PLG: variants seen among roughly 807,000 people sequenced by gnomAD.
The protein encoded by PLG is plasmin.
PLG carries 41 observed loss-of-function variants against 104.4 expected under a neutral mutation model. That is an observed-to-expected ratio of 0.39 (90% CI 0.31 to 0.51). PLG has a LOEUF of 0.51. PLG is among the 20% of genes least tolerant of loss of function. The probability of loss-of-function intolerance (pLI) is 0.76; values close to 1 mark genes in which losing one functional copy is unlikely to be tolerated. For synonymous variants in PLG, 337 were observed against 357.1 expected (o/e 0.94, Z 0.63); for missense variants, 891 against 1,003.6 (o/e 0.89, Z 1.52).
Position 160,739,300 on chromosome 6 carries a change from G to A in PLG, c.2018+92G>A. On this transcript the variant is annotated intron_variant, in intron 16 of 18. Coordinates refer to ENST00000308192, the MANE Select transcript of PLG (RefSeq NM_000301.5). The surrounding 1 kb of genome is among the most constrained non-coding windows in gnomAD (Gnocchi z 4.4). Reference sequence around the variant, plus strand: ...GGGCCATGGCCACTGCATGGCAGTGGGGAGGAACTGTCTATCACATGAAAG... The same window carrying A: ...GGGCCATGGCCACTGCATGGCAGTGAGGAGGAACTGTCTATCACATGAAAG... The A allele has an allele frequency of 1.3e-6, 2 of 1,521,220 alleles. No homozygotes were observed. The highest frequency in any genetic ancestry group is 2.3e-5 in the East Asian group (1 of 44,280). 94.2% of individuals were successfully genotyped at this position (1,521,220 alleles called of 1,614,324 possible).
chr6:160,726,612 AT>A lies in PLG; in HGVS notation c.1256+4048del, dbSNP rs1367095254. Among the ~76,000 whole-genome samples the A allele has an allele frequency of 1.1e-4, 16 of 151,982 alleles. No individual in the cohort carries two copies. Among genetic ancestry groups the A allele is most frequent in the African/African-American group, 3.9e-4 (16 of 41,508 alleles). Reference sequence around the variant, plus strand: ...TTAAAAAAAAAAGATTTTATTTGCTATTTCACTTTTATTTCCTGATAAGTGT... The same window carrying A: ...TTAAAAAAAAAAGATTTTATTTGCTATTCACTTTTATTTCCTGATAAGTGT... On this transcript the variant is annotated intron_variant, in intron 10 of 18. Transcript: ENST00000308192. This position sits in a 1 kb window ranked among gnomAD's most constrained non-coding sequence, Gnocchi z 4.4.
Position 160,713,059 on chromosome 6 carries a change from G to A in PLG, c.481G>A (p.Gly161Arg). The A allele has an allele frequency of 6.2e-7, 1 of 1,608,674 alleles. No homozygotes were observed. The highest frequency in any genetic ancestry group is 8.5e-7 in the Non-Finnish European group (1 of 1,176,890). The change falls in exon 5 of 19, where the codon GGG becomes AGG. Residue 161 changes from glycine (G) to arginine (R), a missense_variant. Transcript: ENST00000308192. ...YCRNPDNDPQ[G>R]PWCYTTDPEK... Reference sequence around the variant, plus strand: ...CAGGAATCCAGACAACGATCCGCAGGGGCCCTGGTGCTATACTACTGATCC... The same window carrying A: ...CAGGAATCCAGACAACGATCCGCAGAGGCCCTGGTGCTATACTACTGATCC...
At position 160,740,196 on chromosome 6, in the gene PLG, C is replaced by G. The variant is rs1370288052; in HGVS notation, c.2018+988C>G. ...AGGGCAGCTTCTCTGGGTCTGTGAA[C>G]TGAGGGGTGATGTCCTGGGATGCTC... is the stretch of plus-strand genomic sequence containing the variant. On this transcript the variant is annotated intron_variant, in intron 16 of 18. Transcript: ENST00000308192. The surrounding 1 kb of genome is among the most constrained non-coding windows in gnomAD (Gnocchi z 5.2). Among the ~76,000 whole-genome samples the G allele has an allele frequency of 6.6e-6, 1 of 152,182 alleles. No individual in the cohort carries two copies. Among genetic ancestry groups the G allele is most frequent in the African/African-American group, 2.4e-5 (1 of 41,446 alleles).
chr6:160,714,683 T>C (rs1192292122), intron 5 of PLG, 111 bp from the exon 6 acceptor site: 1 of 998,202 alleles, frequency 1.0e-6, no homozygotes, highest in Non-Finnish European at 1.6e-6. Flanking sequence ...TACATCGGAA[T>C]GAGAGGCAAG....
At position 160,720,410 on chromosome 6, in the gene PLG, C is replaced by CTTTTTTTTTTTTTTTTTT. The variant is rs3057066; in HGVS notation, c.1096+1582_1096+1599dup. Reference sequence around the variant, plus strand: ...TCTTTTCTCTTTTTTCTTTTCTTTTCTTTTTTTTTTTTTTTTTTTTTTTTT... The same window carrying CTTTTTTTTTTTTTTTTTT: ...TCTTTTCTCTTTTTTCTTTTCTTTTCTTTTTTTTTTTTTTTTTTTTTTTTTTTTTTTTTTTTTTTTTTT... On this transcript the variant is annotated intron_variant, in intron 9 of 18. Coordinates refer to ENST00000308192, the MANE Select transcript of PLG (RefSeq NM_000301.5). Among the ~76,000 whole-genome samples, 301 of 58,532 alleles carry CTTTTTTTTTTTTTTTTTT rather than the reference C, an allele frequency of 5.1e-3. 54 individuals carry two copies. The highest frequency in any genetic ancestry group is 7.7e-3 in the East Asian group (14 of 1,816). The allele number at this position is 58,532 out of a possible 152,430, so 38.4% of individuals were successfully genotyped here. A position where few individuals can be genotyped will look rare whatever the true frequency, so the allele number is the denominator to read the frequency against.
intron 1 of PLG, among the ~76,000 whole-genome samples, chr6:160,704,982 G>C (rs1053749111): frequency 6.6e-6 from 1 of 152,170 alleles, no homozygotes; most frequent in Non-Finnish European, 1.5e-5. Flanking sequence ...CTGACCGCAT[G>C]TTCCCTGGAG....
In PLG at chr6:160,732,001, G is replaced by C. The variant is rs961083124; in HGVS notation, c.1587+108G>C. On this transcript the variant is annotated intron_variant, in intron 12 of 18. Transcript: ENST00000308192. The surrounding 1 kb of genome is among the most constrained non-coding windows in gnomAD (Gnocchi z 4.5). ...GACCTGGACTGCTCTTTTTTGTAAT[G>C]GGGGAGAGGGGACAGAAGAAAATAT... 1.8e-6 allele frequency: 2 copies of C among 1,097,818 alleles called. No homozygotes were observed. The highest frequency in any genetic ancestry group is 2.8e-6 in the Non-Finnish European group (2 of 719,848). 68.0% of individuals were successfully genotyped at this position (1,097,818 alleles called of 1,614,324 possible). A position where few individuals can be genotyped will look rare whatever the true frequency, so the allele number is the denominator to read the frequency against.
intron 5 of PLG, 30 bp downstream of exon 5, chr6:160,713,155 T>C (rs761361277): frequency 6.4e-6 from 10 of 1,570,156 alleles, no homozygotes; most frequent in Non-Finnish European, 8.8e-6. Context: ...AATGTTTTCA[T>C]TTCTGCCCTT....
chr6:160,745,523 A>G (rs115234711), intron 17 of PLG, among the ~76,000 whole-genome samples: 3,042 of 152,134 alleles, frequency 0.02, 122 homozygotes, highest in African/African-American at 0.07. Flanking sequence ...CCATCCCTTT[A>G]TTCTGAGCCT....
At chr6:160,710,926 C>A (rs1422433240) in intron 3 of PLG, 151 bp from the exon 4 acceptor site, 7 of 717,368 alleles carry the variant, frequency 9.8e-6, no homozygotes, top group Non-Finnish European at 1.8e-5. Context: ...CAGTTTACTG[C>A]AGCCTTTTTG....
intron 1 of PLG, among the ~76,000 whole-genome samples, chr6:160,704,686 A>T (rs1007037600): frequency 1.3e-5 from 2 of 152,230 alleles, no homozygotes; most frequent in Non-Finnish European, 2.9e-5. Context: ...AGAATGCATC[A>T]GCCAACTCCT....
At chr6:160,718,016 C>T (rs1410021050) in intron 7 of PLG, among the ~76,000 whole-genome samples, 3 of 152,198 alleles carry the variant, frequency 2.0e-5, no homozygotes, top group South Asian at 4.1e-4. Context: ...CTTCCGGAGG[C>T]CGAGGTGGGC....
intron 2 of PLG, among the ~76,000 whole-genome samples, chr6:160,707,241 G>A (rs938702973): frequency 4.6e-5 from 7 of 152,214 alleles, no homozygotes; most frequent in African/African-American, 1.7e-4. Context: ...AATCCAGACT[G>A]AGCACCCATA....
At chr6:160,748,412 G>GAAAGAAAGAA (rs1778328804) in intron 17 of PLG, among the ~76,000 whole-genome samples, 1 of 46,348 alleles carries the variant, frequency 2.2e-5, no homozygotes, top group Non-Finnish European at 4.0e-5. Context: ...AAGAAAGAAA[G>GAAAGAAAGAA]AAAGGGAAAG....
intron 12 of PLG, 78 bp from the exon 13 acceptor site, chr6:160,733,917 G>T: frequency 1.0e-5 from 7 of 703,276 alleles, no homozygotes; most frequent in South Asian, 1.4e-5. Context: ...GGATAGACAT[G>T]AAATGCGTGA....
chr6:160,736,773 A>C lies in PLG; in HGVS notation c.1682-114A>C. 7.6e-7 allele frequency: 1 copy of C among 1,323,066 alleles called. No individual in the cohort carries two copies. The highest frequency in any genetic ancestry group is 1.1e-6 in the Non-Finnish European group (1 of 924,934). The allele number at this position is 1,323,066 out of a possible 1,614,324, so 82.0% of individuals were successfully genotyped here. ...TGTTCCAAAAGATGATGATTTTACT[A>C]TTTAGTTCGGCCTTTAAGATGTCAA... is the stretch of plus-strand genomic sequence containing the variant. On this transcript the variant is annotated intron_variant, in intron 13 of 18. Transcript: ENST00000308192. This position sits in a 1 kb window ranked among gnomAD's most constrained non-coding sequence, Gnocchi z 5.2.
At chr6:160,714,281 G>A (rs4252097) in intron 5 of PLG, among the ~76,000 whole-genome samples, 13,814 of 152,192 alleles carry the variant, frequency 0.091, 1,628 homozygotes, top group Middle Eastern at 0.28. Flanking sequence ...GGTGAATATT[G>A]TTCTCCCTGA....
At position 160,731,984 on chromosome 6, in the gene PLG, C is replaced by G; in HGVS notation, c.1587+91C>G. On this transcript the variant is annotated intron_variant, in intron 12 of 18. Coordinates refer to ENST00000308192, the MANE Select transcript of PLG (RefSeq NM_000301.5). This position sits in a 1 kb window ranked among gnomAD's most constrained non-coding sequence, Gnocchi z 5.1. ...TGTGTTACAGAAAATCTGACCTGGACTGCTCTTTTTTGTAATGGGGGAGAG... is the reference window on the plus strand; with the variant it reads ...TGTGTTACAGAAAATCTGACCTGGAGTGCTCTTTTTTGTAATGGGGGAGAG... The G allele has an allele frequency of 7.4e-7, 1 of 1,351,674 alleles. No homozygotes were observed. Among genetic ancestry groups the G allele is most frequent in the Non-Finnish European group, 1.1e-6 (1 of 946,462 alleles). 83.7% of individuals were successfully genotyped at this position (1,351,674 alleles called of 1,614,324 possible). A position where few individuals can be genotyped will look rare whatever the true frequency, so the allele number is the denominator to read the frequency against.
Position 160,735,311 on chromosome 6 carries a change from A to G in PLG, c.1681+1223A>G, listed in dbSNP as rs1310676648. Among the ~76,000 whole-genome samples, 2 of 151,902 alleles carry G rather than the reference A, an allele frequency of 1.3e-5. No homozygotes were observed. Among genetic ancestry groups the G allele is most frequent in the East Asian group, 1.9e-4 (1 of 5,180 alleles). On this transcript the variant is annotated intron_variant, in intron 13 of 18. Coordinates refer to ENST00000308192, the MANE Select transcript of PLG (RefSeq NM_000301.5). The surrounding 1 kb of genome is among the most constrained non-coding windows in gnomAD (Gnocchi z 5.4). ...CTGCCTTGAAGTTGAGCCCAGACTG[A>G]TTTTCTTGCCTCAGACCCCACTACC...
Sources: gnomAD v4.1 joint callset for allele counts (sites outside exome capture counted in the v4.1 genomes callset) on GRCh38, gnomAD v4.1.1 for gene constraint, Gnocchi (gnomAD v3.1) non-coding constraint, MANE v1.5 for transcripts, NCBI Gene and HGNC (gene_info 2026-07-23, HGNC 2026-07-21) for gene names.